PARG: variants seen among roughly 807,000 people sequenced by gnomAD.
PARG encodes poly(ADP-ribose) glycohydrolase.
Under a neutral mutation model 113.0 loss-of-function variants are expected in PARG, and 35 were observed. The ratio of observed to expected loss-of-function variants is 0.31; its 90% CI spans 0.24 to 0.41. The LOEUF (loss-of-function observed/expected upper bound fraction) is 0.41. Ranked by LOEUF, PARG falls within the 10% of genes least tolerant of loss-of-function variation. The probability of loss-of-function intolerance (pLI) is 1.00; values close to 1 mark genes in which losing one functional copy is unlikely to be tolerated. For missense variants in PARG, 797 were observed against 1,169.4 expected, an observed-to-expected ratio of 0.68 and a Z score of 4.64; for synonymous variants, 330 against 409.9, an observed-to-expected ratio of 0.81 and a Z score of 2.36.
chr10:49,877,129 G>A (rs1554838549), intron 9 of PARG, among the ~76,000 whole-genome samples: 1 of 150,664 alleles, frequency 6.6e-6, no homozygotes, highest in African/African-American at 2.4e-5. Flanking sequence ...AATTATGACA[G>A]TCTAAGAGCA....
intron 13 of PARG, among the ~76,000 whole-genome samples, chr10:49,853,756 C>T (rs1332088106): frequency 1.3e-5 from 2 of 152,172 alleles, no homozygotes; most frequent in African/African-American, 4.8e-5. Flanking sequence ...ATCTTAATTT[C>T]CTACATAAAC....
chr10:49,827,912 T>C (rs1844438103), intron 16 of PARG, among the ~76,000 whole-genome samples: 1 of 152,030 alleles, frequency 6.6e-6, no homozygotes, highest in African/African-American at 2.4e-5. Flanking sequence ...CTACATTCTT[T>C]GATTACAATG....
chr10:49,830,649 C>T (rs1321717206), intron 16 of PARG, among the ~76,000 whole-genome samples: 1 of 151,956 alleles, frequency 6.6e-6, no homozygotes, highest in African/African-American at 2.4e-5. Flanking sequence ...CATGAAAAAG[C>T]AATTCACAAA....
intron 15 of PARG, among the ~76,000 whole-genome samples, chr10:49,834,273 T>A (rs1203502066): frequency 2.0e-5 from 3 of 152,162 alleles, no homozygotes; most frequent in Admixed American, 6.5e-5. Context: ...TAAACATAAC[T>A]TTGCCGCTTT....
At chr10:49,880,836 C>T (rs1191149074) in intron 8 of PARG, among the ~76,000 whole-genome samples, 1 of 152,056 alleles carries the variant, frequency 6.6e-6, no homozygotes, top group Non-Finnish European at 1.5e-5. Context: ...CAGCCTGACT[C>T]GAGTATAGCA....
chr10:49,835,233 CA>C (rs1844857769), intron 15 of PARG, among the ~76,000 whole-genome samples: 1 of 152,168 alleles, frequency 6.6e-6, no homozygotes, highest in Non-Finnish European at 1.5e-5. Context: ...TCTATATTGG[CA>C]AATGCGTTTG....
intron 7 of PARG, among the ~76,000 whole-genome samples, chr10:49,910,610 T>G (rs1176658287): frequency 1.3e-5 from 2 of 152,100 alleles, no homozygotes; most frequent in Non-Finnish European, 2.9e-5. Flanking sequence ...TACATTTCTA[T>G]CTTTTCAATT....
At chr10:49,915,338 C>T (rs1231196067) in intron 7 of PARG, among the ~76,000 whole-genome samples, 1 of 151,690 alleles carries the variant, frequency 6.6e-6, no homozygotes, top group Non-Finnish European at 1.5e-5. Flanking sequence ...TAGAAATGGC[C>T]AATAGACAAA....
intron 8 of PARG, among the ~76,000 whole-genome samples, chr10:49,883,489 T>A (rs1465157536): frequency 1.3e-5 from 2 of 148,862 alleles, no homozygotes; most frequent in African/African-American, 5.0e-5. Flanking sequence ...CACAAATTCT[T>A]TGATGCTCCT....
intron 7 of PARG, among the ~76,000 whole-genome samples, chr10:49,886,671 T>C (rs1847502893): frequency 6.6e-6 from 1 of 152,066 alleles, no homozygotes; most frequent in African/African-American, 2.4e-5. Flanking sequence ...ACTATCCAAC[T>C]GAAAAAAAAC....
chr10:49,925,371 C>G (rs1838098428), intron 4 of PARG, among the ~76,000 whole-genome samples: 1 of 152,148 alleles, frequency 6.6e-6, no homozygotes. Context: ...GATTCCAGGT[C>G]TTTAGATAAT....
chr10:49,893,932 T>G (rs565504873), intron 7 of PARG, among the ~76,000 whole-genome samples: 119 of 152,052 alleles, frequency 7.8e-4, no homozygotes, highest in Non-Finnish European at 1.6e-3. Flanking sequence ...TCTCCTGACC[T>G]CGTGATCCAC....
chr10:49,835,737 T>G (rs1844884702), intron 15 of PARG, among the ~76,000 whole-genome samples: 2 of 151,928 alleles, frequency 1.3e-5, no homozygotes, highest in African/African-American at 4.8e-5. Flanking sequence ...TGGCACAAAC[T>G]GATGTATAAG....
At chr10:49,859,168 T>A (rs1846136557) in intron 12 of PARG, among the ~76,000 whole-genome samples, 1 of 147,396 alleles carries the variant, frequency 6.8e-6, no homozygotes. Context: ...AAAACAAATG[T>A]AAATCACTAT....
At chr10:49,893,293 A>G (rs1372560946) in intron 7 of PARG, among the ~76,000 whole-genome samples, 3 of 152,216 alleles carry the variant, frequency 2.0e-5, no homozygotes, top group African/African-American at 2.4e-5. Context: ...TATTCTAGTT[A>G]TAACTGGCAT....
intron 13 of PARG, among the ~76,000 whole-genome samples, chr10:49,845,434 T>C (rs1845459719): frequency 6.6e-6 from 1 of 152,122 alleles, no homozygotes; most frequent in African/African-American, 2.4e-5. Flanking sequence ...GCCTACACAA[T>C]TGTGGAGCTG....
Position 49,819,189 on chromosome 10 carries a change from T to C in PARG, c.*151A>G, listed in dbSNP as rs1402847639. 2 of 592,832 alleles carry C rather than the reference T, an allele frequency of 3.4e-6. No individual in the cohort carries two copies. The highest frequency in any genetic ancestry group is 5.9e-5 in the East Asian group (2 of 33,920). 36.7% of individuals were successfully genotyped at this position (592,832 alleles called of 1,614,324 possible). A position where few individuals can be genotyped will look rare whatever the true frequency, so the allele number is the denominator to read the frequency against. ...GAGTTTAGATGTACCAACTGACAAC[T>C]GCACATGTGTGGAAGAGATTGCGTC... On this transcript the variant is annotated 3_prime_UTR_variant, in exon 18 of 18. Coordinates refer to ENST00000616448, the MANE Select transcript of PARG (RefSeq NM_003631.5).
intron 7 of PARG, among the ~76,000 whole-genome samples, chr10:49,886,596 G>A (rs1290506928): frequency 6.6e-6 from 1 of 152,100 alleles, no homozygotes; most frequent in African/African-American, 2.4e-5. Context: ...TATTAATTCT[G>A]GAGAAAACAA....
At chr10:49,864,800 A>T (rs1846415574) in intron 11 of PARG, among the ~76,000 whole-genome samples, 1 of 133,634 alleles carries the variant, frequency 7.5e-6, no homozygotes, top group Non-Finnish European at 1.6e-5. Flanking sequence ...AATAAGAAAC[A>T]AACAGTAAAT....
Sources: allele counts gnomAD v4.1 joint callset (sites outside exome capture counted in the v4.1 genomes callset), GRCh38; gene constraint gnomAD v4.1.1; transcripts MANE v1.5; gene names NCBI Gene and HGNC (gene_info 2026-07-23, HGNC 2026-07-21).